The following CTNNA3 variants were observed in gnomAD, a reference collection of about 807,000 sequenced individuals.
CTNNA3 encodes catenin alpha-3.
A neutral mutation model predicts 95.7 loss-of-function variants in CTNNA3; 76 were observed. The ratio of observed to expected loss-of-function variants is 0.79; its 90% CI spans 0.66 to 0.96. CTNNA3 has a LOEUF of 0.96. Ranked by LOEUF, CTNNA3 falls within the 40% of genes least tolerant of loss-of-function variation. CTNNA3 has a pLI of 0.00. For synonymous variants in CTNNA3, 431 were observed against 374.4 expected (o/e 1.15, Z -1.74); for missense variants, 1,191 against 1,089.8 (o/e 1.09, Z -1.31).
Position 67,726,745 on chromosome 10 carries a change from A to G in CTNNA3, c.-2+36689T>C, listed in dbSNP as rs866773536. On this transcript the variant is annotated intron_variant, in intron 1 of 17. Transcript: ENST00000684154. ...TATCATAATATACAATATATTATAT[A>G]TGATATATCATAGAATATGACACAT... Among the ~76,000 whole-genome samples, 304 of 99,244 alleles carry G rather than the reference A, an allele frequency of 3.1e-3. 2 individuals carry two copies. The highest frequency in any genetic ancestry group is 0.013 in the Middle Eastern group (1 of 80). The allele number at this position is 99,244 out of a possible 152,430, so 65.1% of individuals were successfully genotyped here.
At chr10:67,263,410 G>T (rs986390945) in intron 5 of CTNNA3, among the ~76,000 whole-genome samples, 2 of 152,116 alleles carry the variant, frequency 1.3e-5, no homozygotes, top group African/African-American at 4.8e-5. Flanking sequence ...CTACAAATGC[G>T]TTGATTTGTG....
intron 7 of CTNNA3, among the ~76,000 whole-genome samples, chr10:66,837,300 A>G (rs972986638): frequency 1.3e-5 from 2 of 152,152 alleles, no homozygotes; most frequent in Non-Finnish European, 2.9e-5. Context: ...AATTTTCTCT[A>G]CATACTAATT....
At chr10:67,679,034 T>C (rs1448256186) in intron 1 of CTNNA3, among the ~76,000 whole-genome samples, 1 of 152,182 alleles carries the variant, frequency 6.6e-6, no homozygotes, top group East Asian at 1.9e-4. Context: ...CCAAGGAGAA[T>C]GGTCTTTAAA....
rs16923642 is a variant in CTNNA3 at position 66,876,567 on chromosome 10, A to G, written c.1048-101043T>C. On this transcript the variant is annotated intron_variant, in intron 7 of 17. Transcript: ENST00000433211. ...TATATCCTTATACACATTTATATCC[A>G]TGCAAATCAAATTTTAGAATATGTT... Among the ~76,000 whole-genome samples, 4,525 of 152,206 alleles carry G rather than the reference A, an allele frequency of 0.03. 377 individuals carry two copies. The East Asian group carries it at 0.34, about 11-fold the overall frequency.
chr10:66,158,141 G>C (rs1461812294), intron 13 of CTNNA3, among the ~76,000 whole-genome samples: 1 of 151,712 alleles, frequency 6.6e-6, no homozygotes, highest in Non-Finnish European at 1.5e-5. Context: ...TTGTTCCTTT[G>C]GCCGTGCAAA....
intron 7 of CTNNA3, among the ~76,000 whole-genome samples, chr10:66,784,862 G>A (rs761974716): frequency 6.6e-6 from 1 of 152,168 alleles, no homozygotes; most frequent in Non-Finnish European, 1.5e-5. Context: ...AGTCTAGAAA[G>A]AGACACTTCA....
chr10:67,233,890 G>A (rs1187266927), intron 5 of CTNNA3, among the ~76,000 whole-genome samples: 4 of 152,094 alleles, frequency 2.6e-5, no homozygotes, highest in Non-Finnish European at 5.9e-5. Context: ...ACACCTCTAC[G>A]CTAATAAACT....
At chr10:66,897,971 G>A (rs1172668579) in intron 7 of CTNNA3, among the ~76,000 whole-genome samples, 4 of 152,124 alleles carry the variant, frequency 2.6e-5, no homozygotes, top group African/African-American at 9.7e-5. Context: ...GAAAATATAA[G>A]AGAAGAGGCT....
chr10:67,264,445 T>G (rs1474626987), intron 5 of CTNNA3, among the ~76,000 whole-genome samples: 1 of 152,182 alleles, frequency 6.6e-6, no homozygotes, highest in Non-Finnish European at 1.5e-5. Context: ...ATTTCACCTA[T>G]TTACAGTTAG....
chr10:67,158,280 T>C (rs764539314), intron 7 of CTNNA3, among the ~76,000 whole-genome samples: 5 of 152,108 alleles, frequency 3.3e-5, no homozygotes, highest in Admixed American at 1.3e-4. Context: ...AAAAAAATTA[T>C]ATAATACTAT....
intron 13 of CTNNA3, among the ~76,000 whole-genome samples, chr10:66,142,200 A>T (rs1410547665): frequency 6.6e-6 from 1 of 152,020 alleles, no homozygotes; most frequent in East Asian, 1.9e-4. Flanking sequence ...CTGTGTCTAA[A>T]TTCTTTTCAT....
At chr10:66,843,231 G>A (rs1312395787) in intron 7 of CTNNA3, among the ~76,000 whole-genome samples, 1 of 152,102 alleles carries the variant, frequency 6.6e-6, no homozygotes, top group Non-Finnish European at 1.5e-5. Flanking sequence ...GCTCAGGGGG[G>A]TTTACGGGCT....
chr10:67,376,068 C>T (rs1843678392), intron 5 of CTNNA3, among the ~76,000 whole-genome samples: 1 of 152,118 alleles, frequency 6.6e-6, no homozygotes, highest in Admixed American at 6.6e-5. Flanking sequence ...TATACCAGTG[C>T]CTTGATCTTA....
intron 7 of CTNNA3, among the ~76,000 whole-genome samples, chr10:66,806,864 A>T (rs887446642): frequency 6.6e-6 from 1 of 151,852 alleles, no homozygotes; most frequent in South Asian, 2.1e-4. Context: ...AGTATTTTGT[A>T]CAATCATAGC....
chr10:67,523,461 G>T (rs1050196321), intron 4 of CTNNA3, among the ~76,000 whole-genome samples: 1 of 152,236 alleles, frequency 6.6e-6, no homozygotes. Context: ...CAGAAAGTTT[G>T]ATTGAACTGG....
chr10:67,267,689 C>A (rs1866884982), intron 5 of CTNNA3, among the ~76,000 whole-genome samples: 1 of 152,128 alleles, frequency 6.6e-6, no homozygotes, highest in South Asian at 2.1e-4. Flanking sequence ...TCAAGAAAAA[C>A]AGTATACTGT....
At chr10:66,940,233 C>T (rs917267037) in intron 7 of CTNNA3, among the ~76,000 whole-genome samples, 1 of 152,078 alleles carries the variant, frequency 6.6e-6, no homozygotes, top group African/African-American at 2.4e-5. Context: ...TGGTAGGTGG[C>T]TCATGCCTAT....
intron 11 of CTNNA3, among the ~76,000 whole-genome samples, chr10:66,407,545 A>G (rs1459866060): frequency 6.6e-6 from 1 of 151,394 alleles, no homozygotes; most frequent in Non-Finnish European, 1.5e-5. Flanking sequence ...TGAGACATAT[A>G]TTTATTTGAA....
At chr10:66,598,012 C>G (rs1843784529) in intron 10 of CTNNA3, among the ~76,000 whole-genome samples, 1 of 151,842 alleles carries the variant, frequency 6.6e-6, no homozygotes. Context: ...AATGTAGATG[C>G]AAAAATCCTC....
Sources: allele counts gnomAD v4.1 joint callset (sites outside exome capture counted in the v4.1 genomes callset), GRCh38; gene constraint gnomAD v4.1.1; transcripts MANE v1.5; gene names NCBI Gene and HGNC (gene_info 2026-07-23, HGNC 2026-07-21).